The following ERC2 variants were observed in gnomAD, a reference collection of about 807,000 sequenced individuals.
ERC2 encodes the protein ERC protein 2.
Under a neutral mutation model 114.8 loss-of-function variants are expected in ERC2, and 42 were observed. The observed-to-expected ratio is 0.37, with a 90% CI of 0.29 to 0.47. The LOEUF (loss-of-function observed/expected upper bound fraction) is 0.47. Ranked by LOEUF, ERC2 falls within the 20% of genes least tolerant of loss-of-function variation. The probability of loss-of-function intolerance (pLI) is 0.99; values close to 1 mark genes in which losing one functional copy is unlikely to be tolerated. For missense variants in ERC2, 939 were observed against 1,150.7 expected (o/e 0.82, Z 2.66); for synonymous variants, 454 against 425.5 (o/e 1.07, Z -0.82).
intron 4 of ERC2, among the ~76,000 whole-genome samples, chr3:56,172,197 G>C: frequency 6.6e-6 from 1 of 151,888 alleles, no homozygotes; most frequent in Non-Finnish European, 1.5e-5. Context: ...TGATGAGCCA[G>C]GGTTAATAAT....
At chr3:55,643,821 TA>T (rs2060285547) in intron 17 of ERC2, among the ~76,000 whole-genome samples, 1 of 152,116 alleles carries the variant, frequency 6.6e-6, no homozygotes, top group South Asian at 2.1e-4. Flanking sequence ...AGAGAAAAAA[TA>T]TTAAAATTTA....
chr3:55,679,053 A>G, intron 17 of ERC2, among the ~76,000 whole-genome samples: 1 of 152,160 alleles, frequency 6.6e-6, no homozygotes, highest in Non-Finnish European at 1.5e-5. Context: ...TTGTTCTACA[A>G]CATAAATCAA....
chr3:56,036,063 A>G (rs2074780322), intron 7 of ERC2, among the ~76,000 whole-genome samples: 1 of 152,236 alleles, frequency 6.6e-6, no homozygotes, highest in South Asian at 2.1e-4. Flanking sequence ...AACATATGCA[A>G]ATCAATAATG....
chr3:55,675,653 A>C (rs756470700), intron 17 of ERC2, among the ~76,000 whole-genome samples: 6 of 152,104 alleles, frequency 3.9e-5, no homozygotes, highest in Non-Finnish European at 5.9e-5. Flanking sequence ...CACCAATTGG[A>C]TGGCTCCCCA....
At chr3:55,942,290 TTTTTTTTTTTTTTG>T (rs2066852018) in intron 13 of ERC2, among the ~76,000 whole-genome samples, 4 of 122,994 alleles carry the variant, frequency 3.3e-5, no homozygotes, top group East Asian at 2.4e-4. Context: ...TTTTTTTTTT[TTTTTTTTTTTTTTG>T]TTGAGACGGA....
At chr3:56,011,026 T>C (rs560160271) in intron 8 of ERC2, among the ~76,000 whole-genome samples, 60 of 152,302 alleles carry the variant, frequency 3.9e-4, no homozygotes, top group African/African-American at 1.3e-3. Context: ...AGAGCCTTCA[T>C]TGGTTTCTGA....
chr3:55,934,264 T>C (rs2066303024), intron 13 of ERC2, among the ~76,000 whole-genome samples: 1 of 152,192 alleles, frequency 6.6e-6, no homozygotes, highest in African/African-American at 2.4e-5. Flanking sequence ...CATGCAAATC[T>C]TCAATACAGT....
chr3:55,700,718 C>T (rs2063181602), intron 15 of ERC2, among the ~76,000 whole-genome samples: 1 of 152,130 alleles, frequency 6.6e-6, no homozygotes, highest in Non-Finnish European at 1.5e-5. Flanking sequence ...GGAGCCTTTT[C>T]CTCACCCTGT....
At chr3:56,151,107 T>C (rs986263298) in intron 4 of ERC2, among the ~76,000 whole-genome samples, 1 of 152,148 alleles carries the variant, frequency 6.6e-6, no homozygotes, top group African/African-American at 2.4e-5. Context: ...ATCTCCATTA[T>C]TGAAGTCACC....
intron 17 of ERC2, among the ~76,000 whole-genome samples, chr3:55,557,772 G>C (rs2055721595): frequency 6.6e-6 from 1 of 152,214 alleles, no homozygotes. Context: ...ATGGCTTCCA[G>C]CCACAGGACC....
intron 17 of ERC2, among the ~76,000 whole-genome samples, chr3:55,534,303 G>A (rs1360665200): frequency 6.6e-6 from 1 of 151,486 alleles, no homozygotes; most frequent in African/African-American, 2.4e-5. Context: ...GTGGCATATG[G>A]CTGTGGTCCC....
chr3:56,026,048 C>T (rs538894758), intron 7 of ERC2, among the ~76,000 whole-genome samples: 8 of 147,030 alleles, frequency 5.4e-5, no homozygotes, highest in South Asian at 4.3e-4. Flanking sequence ...CCCCTTCCTC[C>T]GTTTCTTTCT....
At chr3:55,695,423 T>G (rs2062877137) in intron 16 of ERC2, among the ~76,000 whole-genome samples, 2 of 152,150 alleles carry the variant, frequency 1.3e-5, no homozygotes, top group Admixed American at 1.3e-4. Context: ...ATTAAAAGCT[T>G]CTCTCTCAGG....
At chr3:56,015,116 A>C (rs543767564) in intron 8 of ERC2, among the ~76,000 whole-genome samples, 2 of 152,212 alleles carry the variant, frequency 1.3e-5, no homozygotes, top group Non-Finnish European at 2.9e-5. Flanking sequence ...TTAATTTGGA[A>C]ATACATACTA....
chr3:56,314,861 CCAAACTCTCAGCA>C (rs954642056), intron 2 of ERC2, among the ~76,000 whole-genome samples: 3 of 152,148 alleles, frequency 2.0e-5, no homozygotes, highest in Admixed American at 2.0e-4. Flanking sequence ...AGTCCAGGCA[CCAAACTCTCAGCA>C]CAAAACTCTT....
intron 7 of ERC2, among the ~76,000 whole-genome samples, chr3:56,062,903 C>CA (rs2076308288): frequency 6.6e-6 from 1 of 152,190 alleles, no homozygotes; most frequent in African/African-American, 2.4e-5. Flanking sequence ...CAGTCCTTTT[C>CA]AGTGCCAACA....
intron 17 of ERC2, among the ~76,000 whole-genome samples, chr3:55,645,838 G>A (rs1559793144): frequency 2.0e-5 from 3 of 152,240 alleles, no homozygotes; most frequent in Admixed American, 6.5e-5. Context: ...TTCGGATAAG[G>A]GAAAACCAAG....
chr3:55,583,780 A>G (rs1451748204), intron 17 of ERC2, among the ~76,000 whole-genome samples: 2 of 151,698 alleles, frequency 1.3e-5, no homozygotes, highest in African/African-American at 4.8e-5. Context: ...CCTCTTCCCA[A>G]GTATCCGAGA....
chr3:56,022,323 A>T (rs1203949632), intron 7 of ERC2, among the ~76,000 whole-genome samples: 1 of 152,216 alleles, frequency 6.6e-6, no homozygotes, highest in Admixed American at 6.5e-5. Context: ...TCTCCTCTTC[A>T]TGCTTTTCTG....
Sources: allele counts gnomAD v4.1 joint callset (sites outside exome capture counted in the v4.1 genomes callset), GRCh38; gene constraint gnomAD v4.1.1; transcripts MANE v1.5; gene names NCBI Gene and HGNC (gene_info 2026-07-23, HGNC 2026-07-21).